LOC400499: variants seen among roughly 807,000 people sequenced by gnomAD.
At chr16:11,405,553 G>C in the LOC400499 span, among the ~76,000 whole-genome samples, 1 of 152,192 alleles carries the variant, frequency 6.6e-6, no homozygotes, top group Admixed American at 6.5e-5. Flanking sequence ...AAGGTTCGGA[G>C]AGGGACGCCG....
chr16:11,484,827 A>G, the LOC400499 span: 439 of 398,988 alleles, frequency 1.1e-3, no homozygotes, highest in African/African-American at 8.4e-3. Flanking sequence ...CCACGCATGA[A>G]GCGGGGTGGG....
chr16:11,396,341 C>T, the LOC400499 span: 36 of 626,364 alleles, frequency 5.7e-5, 1 homozygote, highest in African/African-American at 4.9e-4. Context: ...GGCGTTCCCC[C>T]GACCCAGAAT....
the LOC400499 span, among the ~76,000 whole-genome samples, chr16:11,405,218 A>G: frequency 6.6e-6 from 1 of 152,320 alleles, no homozygotes; most frequent in South Asian, 2.1e-4. Context: ...AGATGATACA[A>G]GTGGTGCACT....
chr16:11,512,798 C>A, the LOC400499 span, among the ~76,000 whole-genome samples: 1 of 152,110 alleles, frequency 6.6e-6, no homozygotes, highest in Admixed American at 6.5e-5. Context: ...TGGGTCCTGG[C>A]AAGCCTGGAT....
the LOC400499 span, among the ~76,000 whole-genome samples, chr16:11,379,615 G>A: frequency 1.5e-4 from 23 of 152,214 alleles, no homozygotes; most frequent in African/African-American, 5.3e-4. Context: ...CACAGCCAAG[G>A]ACTGCGGTGA....
chr16:11,391,680 C>T, the LOC400499 span: 48 of 1,232,262 alleles, frequency 3.9e-5, no homozygotes, highest in African/African-American at 6.0e-4. Context: ...CAGCTCCTCC[C>T]GCAGCTGCTC....
chr16:11,470,765 G>C, the LOC400499 span: 7 of 152,430 alleles, frequency 4.6e-5, no homozygotes, highest in African/African-American at 1.4e-4. Flanking sequence ...CGAAGTCATT[G>C]GTGTAGGGGC....
the LOC400499 span, among the ~76,000 whole-genome samples, chr16:11,498,232 G>A: frequency 1.3e-5 from 2 of 152,226 alleles, no homozygotes; most frequent in Non-Finnish European, 2.9e-5. Flanking sequence ...TGTAATCCCA[G>A]CACTTTGGGA....
chr16:11,493,459 T>G, the LOC400499 span, among the ~76,000 whole-genome samples: 2 of 152,092 alleles, frequency 1.3e-5, no homozygotes, highest in Admixed American at 6.5e-5. Context: ...TTTTGATAAA[T>G]AATCTGCTTC....
chr16:11,505,616 G>C, the LOC400499 span, among the ~76,000 whole-genome samples: 1 of 151,358 alleles, frequency 6.6e-6, no homozygotes, highest in African/African-American at 2.4e-5. Flanking sequence ...ACCATGCTTG[G>C]CTTATTTTTT....
chr16:11,509,229 T>C, the LOC400499 span, among the ~76,000 whole-genome samples: 6 of 150,536 alleles, frequency 4.0e-5, no homozygotes, highest in Non-Finnish European at 8.9e-5. Context: ...GCCGTTCTCC[T>C]GCCTCGGCTT....
chr16:11,383,866 T>C, the LOC400499 span: 4 of 1,232,108 alleles, frequency 3.2e-6, no homozygotes, highest in Non-Finnish European at 2.0e-6. Flanking sequence ...CTGCACCCCA[T>C]GGGCCAGGCT....
chr16:11,383,715 G>A, the LOC400499 span: 2 of 1,232,470 alleles, frequency 1.6e-6, no homozygotes, highest in East Asian at 3.2e-5. Flanking sequence ...CCAGGTTGCA[G>A]GCAGGCTGGA....
the LOC400499 span, among the ~76,000 whole-genome samples, chr16:11,434,061 G>A: frequency 6.6e-6 from 1 of 152,166 alleles, no homozygotes; most frequent in South Asian, 2.1e-4. Flanking sequence ...AGGGAGGACA[G>A]GAAGGGTCTA....
At chr16:11,525,241 T>G in the LOC400499 span, among the ~76,000 whole-genome samples, 1 of 149,154 alleles carries the variant, frequency 6.7e-6, no homozygotes, top group Admixed American at 6.8e-5. Context: ...ATCGCACCAC[T>G]GCCTGGTGCG....
At chr16:11,383,949 C>T in the LOC400499 span, 3 of 1,231,922 alleles carry the variant, frequency 2.4e-6, no homozygotes, top group Non-Finnish European at 3.0e-6. Context: ...AGGCGGGGAG[C>T]TGTCCCGGGC....
the LOC400499 span, chr16:11,425,190 C>T: frequency 2.5e-6 from 1 of 399,036 alleles, no homozygotes; most frequent in South Asian, 1.3e-4. Flanking sequence ...CCGGGGGCCC[C>T]AGGAGCAGGC....
At chr16:11,381,075 C>T in the LOC400499 span, 1 of 151,962 alleles carries the variant, frequency 6.6e-6, no homozygotes, top group Admixed American at 6.6e-5. Flanking sequence ...TAACTGGACG[C>T]TGAAATCACA....
the LOC400499 span, among the ~76,000 whole-genome samples, chr16:11,382,412 T>C: frequency 9.2e-5 from 14 of 152,046 alleles, no homozygotes; most frequent in South Asian, 2.9e-3. Context: ...TCTATGCCCA[T>C]TTAGTGGGGC....
Sources: gnomAD v4.1 joint callset for allele counts (sites outside exome capture counted in the v4.1 genomes callset) on GRCh38, gnomAD v4.1.1 for gene constraint, MANE v1.5 for transcripts.